NRG3: variants seen among roughly 807,000 people sequenced by gnomAD.
NRG3 encodes the protein pro-neuregulin-3, membrane-bound isoform.
In NRG3, 31 loss-of-function variants were observed where a neutral mutation model predicts 66.9. The ratio of observed to expected loss-of-function variants is 0.46; its 90% confidence interval spans 0.35 to 0.63. The LOEUF (loss-of-function observed/expected upper bound fraction) is 0.63. NRG3 is among the 20% of genes least tolerant of loss of function. The pLI, the probability that NRG3 is intolerant of heterozygous loss-of-function variation, is 0.00. For missense variants in NRG3, 910 were observed against 878.9 expected, an observed-to-expected ratio of 1.04 and a Z score of -0.45; for synonymous variants, 393 against 359.4, an observed-to-expected ratio of 1.09 and a Z score of -1.06.
intron 1 of NRG3, among the ~76,000 whole-genome samples, chr10:81,961,744 C>T (rs1040829411): frequency 6.6e-6 from 1 of 152,228 alleles, no homozygotes; most frequent in Non-Finnish European, 1.5e-5. Flanking sequence ...TATAATTCAG[C>T]ACATTTTGCA....
chr10:82,309,681 G>A (rs1589674127), intron 1 of NRG3, among the ~76,000 whole-genome samples: 1 of 152,134 alleles, frequency 6.6e-6, no homozygotes, highest in Admixed American at 6.5e-5. Context: ...GTCAGTAAGA[G>A]TAGGGAGGCT....
At chr10:82,616,919 A>G (rs960365213) in intron 2 of NRG3, among the ~76,000 whole-genome samples, 3 of 152,196 alleles carry the variant, frequency 2.0e-5, no homozygotes, top group Non-Finnish European at 4.4e-5. Flanking sequence ...TAAGGCAGGA[A>G]TTATTTTTAC....
intron 2 of NRG3, among the ~76,000 whole-genome samples, chr10:82,650,661 G>T (rs964117250): frequency 6.6e-6 from 1 of 152,316 alleles, no homozygotes; most frequent in Admixed American, 6.5e-5. Context: ...AGTAACAGTG[G>T]TTAACTGGTT....
At chr10:82,764,186 C>A (rs2059427003) in intron 3 of NRG3, among the ~76,000 whole-genome samples, 1 of 152,028 alleles carries the variant, frequency 6.6e-6, no homozygotes, top group Non-Finnish European at 1.5e-5. Context: ...AGGCATGCGC[C>A]ACCACACCCA....
At chr10:82,424,873 A>T (rs914471973) in intron 2 of NRG3, among the ~76,000 whole-genome samples, 1 of 151,948 alleles carries the variant, frequency 6.6e-6, no homozygotes, top group African/African-American at 2.4e-5. Flanking sequence ...TAGTTGTCTC[A>T]GCAGTTTATT....
chr10:81,944,711 C>T (rs547943171), intron 1 of NRG3, among the ~76,000 whole-genome samples: 5 of 152,168 alleles, frequency 3.3e-5, no homozygotes, highest in African/African-American at 4.8e-5. Flanking sequence ...GCTGATCTTC[C>T]GTGAGTCAGA....
At chr10:82,625,769 A>C (rs1281965290) in intron 2 of NRG3, among the ~76,000 whole-genome samples, 1 of 152,204 alleles carries the variant, frequency 6.6e-6, no homozygotes, top group East Asian at 1.9e-4. Context: ...ATGGAAACAT[A>C]TTGTATGTTG....
At chr10:82,621,306 C>T (rs2049024209) in intron 2 of NRG3, among the ~76,000 whole-genome samples, 1 of 152,162 alleles carries the variant, frequency 6.6e-6, no homozygotes, top group African/African-American at 2.4e-5. Flanking sequence ...CTCATCTTCT[C>T]CTCAACAAAA....
intron 3 of NRG3, among the ~76,000 whole-genome samples, chr10:82,770,260 G>T (rs1475965414): frequency 6.6e-6 from 1 of 151,944 alleles, no homozygotes; most frequent in African/African-American, 2.4e-5. Context: ...ATTTAGAAAG[G>T]CATTTCAAAA....
At chr10:82,686,654 C>T (rs12411764) in intron 2 of NRG3, among the ~76,000 whole-genome samples, 31,524 of 152,044 alleles carry the variant, frequency 0.21, 3,432 homozygotes, top group Middle Eastern at 0.34. Context: ...CAGTCATATA[C>T]GCAGTCTGTT....
At chr10:82,287,243 T>G (rs1334546459) in intron 1 of NRG3, among the ~76,000 whole-genome samples, 1 of 151,814 alleles carries the variant, frequency 6.6e-6, no homozygotes, top group Non-Finnish European at 1.5e-5. Context: ...TCTCATGGGA[T>G]CTGGATGTTT....
chr10:82,604,378 A>T (rs1012784072), intron 2 of NRG3, among the ~76,000 whole-genome samples: 2 of 152,080 alleles, frequency 1.3e-5, no homozygotes, highest in African/African-American at 4.8e-5. Flanking sequence ...TTGACAGCTT[A>T]TTTCTCTGAA....
intron 1 of NRG3, among the ~76,000 whole-genome samples, chr10:82,135,535 T>A (rs757899281): frequency 6.6e-6 from 1 of 152,130 alleles, no homozygotes; most frequent in African/African-American, 2.4e-5. Context: ...TTTTTGCTTT[T>A]GTTTTCTCTG....
At chr10:82,730,075 C>CT (rs1338991326) in intron 2 of NRG3, among the ~76,000 whole-genome samples, 51 of 137,820 alleles carry the variant, frequency 3.7e-4, no homozygotes, top group East Asian at 1.7e-3. Flanking sequence ...ATTTTCTTTT[C>CT]TTTTTTTTTT....
intron 2 of NRG3, among the ~76,000 whole-genome samples, chr10:82,500,944 A>G (rs955465821): frequency 9.8e-5 from 15 of 152,298 alleles, no homozygotes; most frequent in African/African-American, 3.4e-4. Flanking sequence ...TATGATTTAG[A>G]TTTATAGGTA....
intron 1 of NRG3, among the ~76,000 whole-genome samples, chr10:82,241,810 G>A (rs750910041): frequency 2.0e-5 from 3 of 152,058 alleles, no homozygotes; most frequent in Non-Finnish European, 2.9e-5. Context: ...AGTACATCGC[G>A]AAGTCTTTGC....
intron 1 of NRG3, among the ~76,000 whole-genome samples, chr10:82,114,557 TC>T (rs1158094953): frequency 2.0e-5 from 3 of 152,058 alleles, no homozygotes; most frequent in Non-Finnish European, 2.9e-5. Flanking sequence ...AAGCATGTCG[TC>T]AAAAGTGTCT....
intron 1 of NRG3, among the ~76,000 whole-genome samples, chr10:82,149,325 T>C (rs2070512543): frequency 2.0e-5 from 3 of 152,144 alleles, no homozygotes; most frequent in Admixed American, 6.5e-5. Context: ...CAGTAACTGA[T>C]TATATTGACA....
chr10:81,937,209 G>A (rs956137009), intron 1 of NRG3, among the ~76,000 whole-genome samples: 6 of 152,044 alleles, frequency 3.9e-5, no homozygotes, highest in Non-Finnish European at 8.8e-5. Context: ...CCACCTCTTG[G>A]CTATTGTGAG....
Sources: gnomAD v4.1 joint callset for allele counts (sites outside exome capture counted in the v4.1 genomes callset) on GRCh38, gnomAD v4.1.1 for gene constraint, MANE v1.5 for transcripts, NCBI Gene and HGNC (gene_info 2026-07-23, HGNC 2026-07-21) for gene names.